MACC1: variants seen among roughly 807,000 people sequenced by gnomAD.
MACC1 encodes MET transcriptional regulator MACC1.
A neutral mutation model predicts 70.7 loss-of-function variants in MACC1; 79 were observed. That is an observed-to-expected ratio of 1.12 (90% CI 0.93 to 1.35). The LOEUF (loss-of-function observed/expected upper bound fraction) is 1.35. Ranked by LOEUF, MACC1 falls within the 40% of genes most tolerant of loss-of-function variation. The pLI is 0.00. For synonymous variants in MACC1, 361 were observed against 347.2 expected, an observed-to-expected ratio of 1.04 and a Z score of -0.44; for missense variants, 1,106 against 978.1, an observed-to-expected ratio of 1.13 and a Z score of -1.74.
At chr7:20,164,568 C>T (rs529872607) in intron 2 of MACC1, among the ~76,000 whole-genome samples, 169 bp from the exon 3 acceptor site, 1 of 152,112 alleles carries the variant, frequency 6.6e-6, no homozygotes, top group Non-Finnish European at 1.5e-5. Context: ...GTTGCAATAA[C>T]CATTTCTTTC....
chr7:20,205,115 G>C (rs1050822261), intron 1 of MACC1, among the ~76,000 whole-genome samples: 3 of 152,004 alleles, frequency 2.0e-5, no homozygotes, highest in African/African-American at 4.8e-5. Flanking sequence ...AACATGAAGA[G>C]AAAGTCTCAT....
chr7:20,206,169 G>A lies in MACC1; in HGVS notation c.-218+11130C>T, dbSNP rs150688138. ...GTTAGCCTTTATTATCTCCTTTCTG[G>A]GGTCCTGATCCCATCTTCACCACAC... On this transcript the variant is annotated intron_variant, in intron 1 of 6. Coordinates refer to ENST00000400331, the MANE Select transcript of MACC1 (RefSeq NM_182762.4). Among the ~76,000 whole-genome samples, 1,027 of 151,310 alleles carry A rather than the reference G, an allele frequency of 6.8e-3. 15 individuals are homozygous for A. The highest frequency in any genetic ancestry group is 0.024 in the African/African-American group (978 of 41,196).
intron 1 of MACC1, among the ~76,000 whole-genome samples, chr7:20,176,096 T>C (rs1474552204): frequency 6.6e-6 from 1 of 152,106 alleles, no homozygotes; most frequent in Non-Finnish European, 1.5e-5. Context: ...GATAGTGATT[T>C]GTAAACTGTA....
intron 2 of MACC1, among the ~76,000 whole-genome samples, chr7:20,169,083 C>T (rs1178683149): frequency 6.6e-6 from 1 of 152,196 alleles, no homozygotes; most frequent in Non-Finnish European, 1.5e-5. Context: ...CACACAAGAG[C>T]ATACATTTCC....
In MACC1 at chr7:20,151,668, G is replaced by A. The variant is rs148638861; in HGVS notation, c.2346+2525C>T. The stretch of plus-strand genomic sequence containing the variant: ...TTAGAAAAAATTAAGAAATGGTTAA[G>A]GTGTTCAGAAAATCTGACAAATTTA... On this transcript the variant is annotated intron_variant, in intron 6 of 6. Transcript: ENST00000400331. Among the ~76,000 whole-genome samples the A allele has an allele frequency of 7.0e-3, 1,069 of 152,198 alleles. 26 individuals are homozygous for A. Among genetic ancestry groups the A allele is most frequent in the Admixed American group, 0.038 (578 of 15,288 alleles).
chr7:20,183,790 C>A (rs2128106169), intron 1 of MACC1, among the ~76,000 whole-genome samples: 1 of 151,206 alleles, frequency 6.6e-6, no homozygotes, highest in Non-Finnish European at 1.5e-5. Flanking sequence ...CTCACTGCAG[C>A]CTCCGTTCCC....
rs1354843633 is a variant in MACC1, at chr7:20,140,951, C to T, written c.2554G>A (p.Val852Ile). 1 of 1,610,380 alleles carries T rather than the reference C, an allele frequency of 6.2e-7. No individual in the cohort carries two copies. Among genetic ancestry groups the T allele is most frequent in the South Asian group, 1.1e-5 (1 of 90,706 alleles). Residue 852 changes from valine to isoleucine, a missense_variant, in exon 7 of 7, where the codon GTA (valine) becomes ATA (isoleucine). By Grantham distance (29) the Val-to-Ile change is conservative (BLOSUM62 3). Coordinates refer to ENST00000400331, the MANE Select transcript of MACC1 (RefSeq NM_182762.4). ...CAAAAACACACGCTTTGTTTCTATA[C>T]TTCCTCAGAAGTGGAGAATGCAGTT... ...RVTAFSTSEE[V>I] is the part of the protein sequence containing the mutation.
chr7:20,143,800 TA>T lies in MACC1; in HGVS notation c.2347-2643del, dbSNP rs549252037. Among the ~76,000 whole-genome samples, 10 of 152,228 alleles carry T rather than the reference TA, an allele frequency of 6.6e-5. No homozygotes were observed. The South Asian group carries it at 2.1e-3, about 32-fold the overall frequency. ...GCCCTAATTAAGATTTTTGAAGGTG[TA>T]AAGACTTCCCAAGAGTCCCCTGAAT... On this transcript the variant is annotated intron_variant, in intron 6 of 6. Coordinates refer to ENST00000400331, the MANE Select transcript of MACC1 (RefSeq NM_182762.4).
intron 5 of MACC1, among the ~76,000 whole-genome samples, chr7:20,157,061 C>T (rs1782065000): frequency 6.6e-6 from 1 of 152,138 alleles, no homozygotes; most frequent in South Asian, 2.1e-4. Flanking sequence ...ATTCAAATCC[C>T]ATCTATAAGA....
chr7:20,196,869 C>G (rs1167875680), intron 1 of MACC1, among the ~76,000 whole-genome samples: 1 of 152,172 alleles, frequency 6.6e-6, no homozygotes, highest in Non-Finnish European at 1.5e-5. Context: ...CAAACTTCAC[C>G]TCGCAGCCAC....
intron 1 of MACC1, among the ~76,000 whole-genome samples, chr7:20,206,837 C>G (rs1782916576): frequency 6.6e-6 from 1 of 152,214 alleles, no homozygotes; most frequent in Non-Finnish European, 1.5e-5. Flanking sequence ...TCCCCATCCA[C>G]CCAGTTAGAT....
At chr7:20,202,712 A>G (rs1035676769) in intron 1 of MACC1, among the ~76,000 whole-genome samples, 1 of 152,230 alleles carries the variant, frequency 6.6e-6, no homozygotes, top group African/African-American at 2.4e-5. Flanking sequence ...GCTGTTGAAC[A>G]TACTTCATGT....
chr7:20,209,714 T>G (rs1228250836), intron 1 of MACC1, among the ~76,000 whole-genome samples: 1 of 152,208 alleles, frequency 6.6e-6, no homozygotes, highest in Non-Finnish European at 1.5e-5. Flanking sequence ...GATTGTGTTT[T>G]GAAATGTGAG....
At chr7:20,190,757 A>ACAGAACATTATT (rs1431476816) in intron 1 of MACC1, among the ~76,000 whole-genome samples, 1 of 152,252 alleles carries the variant, frequency 6.6e-6, no homozygotes, top group East Asian at 1.9e-4. Flanking sequence ...CTGCCTGTGA[A>ACAGAACATTATT]CTGTTAATGA....
intron 1 of MACC1, among the ~76,000 whole-genome samples, chr7:20,178,235 T>C (rs1057379763): frequency 4.6e-5 from 7 of 150,788 alleles, no homozygotes; most frequent in African/African-American, 1.7e-4. Context: ...CACACTATTA[T>C]TGCTGCCCAG....
rs1019091006 is a variant in MACC1 at position 20,138,340 on chromosome 7, C to G, written c.*2606G>C. The G allele has an allele frequency of 1.3e-5, 2 of 151,816 alleles. No individual in the cohort carries two copies. Among genetic ancestry groups the G allele is most frequent in the African/African-American group, 4.8e-5 (2 of 41,312 alleles). 9.4% of individuals were successfully genotyped at this position (151,816 alleles called of 1,614,324 possible). ...ATCATAATACATGATGCAATGTAAA[C>G]CTTAAATTATTTATTTAATCTTACT... On this transcript the variant is annotated 3_prime_UTR_variant, in exon 7 of 7. Transcript: ENST00000400331.
At chr7:20,180,368 G>A (rs532587178) in intron 1 of MACC1, among the ~76,000 whole-genome samples, 5 of 151,838 alleles carry the variant, frequency 3.3e-5, no homozygotes, top group East Asian at 3.9e-4. Flanking sequence ...GCTTGAACCC[G>A]GGAGGAGGAG....
chr7:20,178,552 TGA>T (rs1234832965), intron 1 of MACC1, among the ~76,000 whole-genome samples: 1 of 152,204 alleles, frequency 6.6e-6, no homozygotes, highest in African/African-American at 2.4e-5. Flanking sequence ...TCTAAATTCT[TGA>T]GAGTCTTTAG....
intron 1 of MACC1, among the ~76,000 whole-genome samples, chr7:20,196,319 T>G (rs993674843): frequency 6.6e-6 from 1 of 152,166 alleles, no homozygotes; most frequent in African/African-American, 2.4e-5. Flanking sequence ...TAGCTGGGAC[T>G]ACAGGCGCCC....
Sources: allele counts gnomAD v4.1 joint callset (sites outside exome capture counted in the v4.1 genomes callset), GRCh38; gene constraint gnomAD v4.1.1; transcripts MANE v1.5; gene names NCBI Gene and HGNC (gene_info 2026-07-23, HGNC 2026-07-21).